ARHGAP8: variants seen among roughly 807,000 people sequenced by gnomAD.
The protein encoded by ARHGAP8 is rho GTPase-activating protein 8.
In ARHGAP8, 62 loss-of-function variants were observed where a neutral mutation model predicts 46.1. That is an observed-to-expected ratio of 1.34 (90% CI 1.10 to 1.66). ARHGAP8 has a LOEUF of 1.66. Among genes scored for constraint, ARHGAP8 ranks in the 40% most tolerant of loss-of-function variants. The pLI is 0.00. For synonymous variants in ARHGAP8, 375 were observed against 243.1 expected (o/e 1.54, Z -5.05); for missense variants, 923 against 568.4 (o/e 1.62, Z -6.34).
At chr22:44,799,869 C>A (rs972371639) in intron 2 of ARHGAP8, among the ~76,000 whole-genome samples, 1 of 151,924 alleles carries the variant, frequency 6.6e-6, no homozygotes, top group Non-Finnish European at 1.5e-5. Flanking sequence ...ACTGTCAGGG[C>A]CTTCCCCAGG....
chr22:44,816,003 C>G (rs1366154562), intron 5 of ARHGAP8, among the ~76,000 whole-genome samples: 2 of 152,132 alleles, frequency 1.3e-5, no homozygotes, highest in African/African-American at 4.8e-5. Flanking sequence ...GTGGCTGCCT[C>G]TGTGAGAGGG....
chr22:44,860,762 G>A (rs1008576618), intron 11 of ARHGAP8, among the ~76,000 whole-genome samples: 1 of 151,398 alleles, frequency 6.6e-6, no homozygotes, highest in Non-Finnish European at 1.5e-5. Context: ...AGCCAACAGG[G>A]GAAGGTTCAA....
chr22:44,859,636 C>T, intron 10 of ARHGAP8, 95 bp from the exon 11 acceptor site: 5 of 1,344,262 alleles, frequency 3.7e-6, no homozygotes, highest in South Asian at 1.2e-5. Context: ...ATCCTCAGAG[C>T]TGTCCTTCCT....
At chr22:44,837,010 G>A (rs571225852) in intron 7 of ARHGAP8, among the ~76,000 whole-genome samples, 12 of 152,204 alleles carry the variant, frequency 7.9e-5, no homozygotes, top group African/African-American at 2.9e-4. Context: ...CCAGCCTCCT[G>A]AGTAGCTGGG....
Position 44,802,059 on chromosome 22 carries a change from C to A in ARHGAP8, c.80-18C>A, listed in dbSNP as rs1422059971. The A allele has an allele frequency of 6.2e-7, 1 of 1,613,824 alleles. No homozygotes were observed. Among genetic ancestry groups the A allele is most frequent in the South Asian group, 1.1e-5 (1 of 91,054 alleles). On this transcript the variant is annotated intron_variant, in intron 2 of 11. Transcript: ENST00000356099. ...AGGAGAAGGTGGCACAGAGGCTCAC[C>A]TGTGTCTGCTCCTCCAGGGGATGAC...
intron 2 of ARHGAP8, among the ~76,000 whole-genome samples, chr22:44,800,649 A>G (rs113131280): frequency 0.049 from 751 of 15,484 alleles, 55 homozygotes; most frequent in South Asian, 0.1. Flanking sequence ...GCAGCTGTCC[A>G]TGTGTGGGGG....
intron 1 of ARHGAP8, among the ~76,000 whole-genome samples, chr22:44,772,358 T>TC (rs1441188228): frequency 6.8e-6 from 1 of 146,406 alleles, no homozygotes; most frequent in Non-Finnish European, 1.5e-5. Context: ...TTTTCTTTTT[T>TC]TTTTTTTTTT....
At chr22:44,778,123 C>T (rs1926560430) in intron 1 of ARHGAP8, among the ~76,000 whole-genome samples, 1 of 151,540 alleles carries the variant, frequency 6.6e-6, no homozygotes, top group South Asian at 2.1e-4. Flanking sequence ...TTGGGTGCAC[C>T]CATCACCTGA....
At chr22:44,860,294 C>G (rs1055736203) in intron 11 of ARHGAP8, among the ~76,000 whole-genome samples, 1 of 152,148 alleles carries the variant, frequency 6.6e-6, no homozygotes, top group Admixed American at 6.5e-5. Context: ...TACTGTGTCA[C>G]TCTTCTAGAG....
Position 44,849,042 on chromosome 22 carries a change from C to T in ARHGAP8, c.859C>T (p.Gln287Ter), listed in dbSNP as rs1314823491. 6.2e-7 allele frequency: 1 copy of T among 1,614,020 alleles called. No individual in the cohort carries two copies. The highest frequency in any genetic ancestry group is 1.1e-5 in the South Asian group (1 of 91,080). ...GCTTCTGACCTTCCAGGCCTACGAG[C>T]AGATTCTCGGGATCACCTGTGCGTA... is the stretch of plus-strand genomic sequence containing the variant. ...QPLLTFQAYE[Q>*]ILGITCVESS... The change falls in exon 10 of 12, where the codon CAG (glutamine) becomes TAG (stop). Residue 287 changes from glutamine (Q) to a stop codon, truncating the protein, a stop_gained. Transcript: ENST00000356099. LOFTEE classifies it high-confidence loss of function.
chr22:44,799,981 T>A (rs901050191), intron 2 of ARHGAP8, among the ~76,000 whole-genome samples: 26 of 147,480 alleles, frequency 1.8e-4, no homozygotes, highest in African/African-American at 6.0e-4. Context: ...ACTTGTGGGG[T>A]GGGGCAAGGT....
chr22:44,859,636 C>G, intron 10 of ARHGAP8, 95 bp from the exon 11 acceptor site: 1 of 1,344,262 alleles, frequency 7.4e-7, no homozygotes, highest in South Asian at 1.2e-5. Context: ...ATCCTCAGAG[C>G]TGTCCTTCCT....
intron 7 of ARHGAP8, among the ~76,000 whole-genome samples, chr22:44,835,590 C>T (rs1569170514): frequency 6.6e-6 from 1 of 152,180 alleles, no homozygotes; most frequent in Non-Finnish European, 1.5e-5. Context: ...CACTGCACTC[C>T]AGCATGGCAA....
chr22:44,862,767 TG>T lies in ARHGAP8; in HGVS notation c.*174del. 2 of 796,178 alleles carry T rather than the reference TG, an allele frequency of 2.5e-6. No homozygotes were observed. The highest frequency in any genetic ancestry group is 3.8e-6 in the Non-Finnish European group (2 of 533,116). The allele number at this position is 796,178 out of a possible 1,614,324, so 49.3% of individuals were successfully genotyped here. ...ACTCTTGTCCATGGTTCCTGAGCTGTGGACCGGGATAGAATAATGCATTTGT... is the reference window on the plus strand; with the variant it reads ...ACTCTTGTCCATGGTTCCTGAGCTGTGACCGGGATAGAATAATGCATTTGT... On this transcript the variant is annotated 3_prime_UTR_variant, in exon 12 of 12. Transcript: ENST00000356099.
chr22:44,754,426 G>C (rs761332192), intron 1 of ARHGAP8, among the ~76,000 whole-genome samples: 1 of 151,752 alleles, frequency 6.6e-6, no homozygotes, highest in Admixed American at 6.6e-5. Flanking sequence ...CACGATCTCA[G>C]CTCACTGCAA....
intron 10 of ARHGAP8, among the ~76,000 whole-genome samples, chr22:44,857,307 C>G (rs2070255125): frequency 1.3e-5 from 2 of 152,146 alleles, no homozygotes; most frequent in Non-Finnish European, 2.9e-5. Flanking sequence ...GCTCCCAGAC[C>G]AAGTGAGGTG....
intron 7 of ARHGAP8, among the ~76,000 whole-genome samples, chr22:44,830,510 ATTTTTAT>A (rs1177399582): frequency 6.8e-6 from 1 of 146,660 alleles, no homozygotes; most frequent in African/African-American, 2.5e-5. Flanking sequence ...TTTTTTTTGC[ATTTTTAT>A]TTTTTATTTT....
rs1569151325 is a variant in ARHGAP8 at position 44,800,096 on chromosome 22, CTGTCTT to C, written c.80-1979_80-1974del. Among the ~76,000 whole-genome samples the C allele has an allele frequency of 1.3e-3, 149 of 112,816 alleles. 1 individual carries two copies. Among genetic ancestry groups the C allele is most frequent in the African/African-American group, 4.6e-3 (138 of 29,852 alleles). The allele number at this position is 112,816 out of a possible 152,430, so 74.0% of individuals were successfully genotyped here. A position where few individuals can be genotyped will look rare whatever the true frequency, so the allele number is the denominator to read the frequency against. Reference sequence around the variant, plus strand: ...GGGCCCTCTCCTTCAGGAGTCTGTTCTGTCTTTTTTTTTTTTTTTTTTTTTGAGACA... The same window carrying C: ...GGGCCCTCTCCTTCAGGAGTCTGTTCTTTTTTTTTTTTTTTTTTTGAGACA... On this transcript the variant is annotated intron_variant, in intron 2 of 11. Coordinates refer to ENST00000356099, the MANE Select transcript of ARHGAP8 (RefSeq NM_181335.3).
chr22:44,787,032 A>AAAAAAC (rs755011526), intron 2 of ARHGAP8, among the ~76,000 whole-genome samples: 2,548 of 79,074 alleles, frequency 0.032, 48 homozygotes, highest in Non-Finnish European at 0.056. Context: ...CCTGTCTCAA[A>AAAAAAC]AAAACAAAAA....
Sources: allele counts gnomAD v4.1 joint callset (sites outside exome capture counted in the v4.1 genomes callset), GRCh38; gene constraint gnomAD v4.1.1; transcripts MANE v1.5; gene names NCBI Gene and HGNC (gene_info 2026-07-23, HGNC 2026-07-21).